Variants in ASIC2 observed in about 807,000 individuals in gnomAD.
ASIC2 encodes acid sensing ion channel subunit 2, also known as acid-sensing ion channel 2.
In ASIC2, 25 loss-of-function variants were observed where a neutral mutation model predicts 57.3. The ratio of observed to expected loss-of-function variants is 0.44; its 90% CI spans 0.32 to 0.61. The LOEUF is 0.61. ASIC2 is among the 20% of genes least tolerant of loss of function. ASIC2 has a pLI of 0.06. For missense variants in ASIC2, 641 were observed against 738.1 expected, an observed-to-expected ratio of 0.87 and a Z score of 1.52; for synonymous variants, 319 against 307.5, an observed-to-expected ratio of 1.04 and a Z score of -0.39.
intron 1 of ASIC2, among the ~76,000 whole-genome samples, chr17:33,700,860 T>A (rs1408069288): frequency 1.3e-5 from 2 of 152,126 alleles, no homozygotes. Context: ...CTTGGTCCCA[T>A]CCTGACTACT....
intron 1 of ASIC2, among the ~76,000 whole-genome samples, chr17:33,170,837 A>G (rs1905488502): frequency 6.6e-6 from 1 of 152,216 alleles, no homozygotes; most frequent in Non-Finnish European, 1.5e-5. Context: ...CTTTTGCTGG[A>G]GATCAGGAGC....
chr17:33,437,711 G>A (rs752608107), intron 1 of ASIC2, among the ~76,000 whole-genome samples: 15 of 152,060 alleles, frequency 9.9e-5, no homozygotes, highest in South Asian at 2.1e-4. Flanking sequence ...CACAAGAATC[G>A]CGTGAACCCA....
At chr17:33,731,167 T>A (rs1002413727) in intron 1 of ASIC2, among the ~76,000 whole-genome samples, 8 of 152,212 alleles carry the variant, frequency 5.3e-5, no homozygotes, top group Admixed American at 1.3e-4. Context: ...GGGACCATCT[T>A]TGATGCTTCA....
chr17:33,748,682 T>G (rs117312467), intron 1 of ASIC2, among the ~76,000 whole-genome samples: 127 of 152,212 alleles, frequency 8.3e-4, no homozygotes, highest in African/African-American at 3.0e-3. Flanking sequence ...CTGGGCCACA[T>G]GAGAATAGAA....
chr17:33,382,031 G>A (rs1481379002), intron 1 of ASIC2, among the ~76,000 whole-genome samples: 4 of 152,156 alleles, frequency 2.6e-5, no homozygotes, highest in Non-Finnish European at 5.9e-5. Context: ...AGGACCCCAT[G>A]TTAGTCCCAC....
chr17:33,271,630 C>T (rs562114139), intron 1 of ASIC2, among the ~76,000 whole-genome samples: 1 of 152,140 alleles, frequency 6.6e-6, no homozygotes, highest in African/African-American at 2.4e-5. Flanking sequence ...TCTCACTGGA[C>T]CTACCTTCAA....
chr17:33,956,274 T>A (rs1904732437), intron 1 of ASIC2, among the ~76,000 whole-genome samples: 1 of 152,124 alleles, frequency 6.6e-6, no homozygotes, highest in Non-Finnish European at 1.5e-5. Flanking sequence ...GGGTTCAAAG[T>A]CTGAAGTGGG....
At chr17:33,152,393 C>T (rs1482482092) in intron 1 of ASIC2, among the ~76,000 whole-genome samples, 1 of 152,184 alleles carries the variant, frequency 6.6e-6, no homozygotes, top group East Asian at 1.9e-4. Context: ...TGGAGGAGAT[C>T]CCTACAGATG....
intron 1 of ASIC2, among the ~76,000 whole-genome samples, chr17:33,835,531 C>T (rs755949460): frequency 4.6e-5 from 7 of 152,174 alleles, no homozygotes; most frequent in Non-Finnish European, 8.8e-5. Flanking sequence ...TTCCACAATA[C>T]CACTCTGACT....
intron 1 of ASIC2, among the ~76,000 whole-genome samples, chr17:33,804,520 G>A (rs983549419): frequency 9.8e-5 from 15 of 152,340 alleles, no homozygotes; most frequent in Middle Eastern, 3.4e-3. Context: ...AGAGGTTAAA[G>A]CAAAAGTCTC....
At chr17:33,106,531 A>G (rs1484067178) in intron 2 of ASIC2, among the ~76,000 whole-genome samples, 1 of 152,046 alleles carries the variant, frequency 6.6e-6, no homozygotes, top group East Asian at 1.9e-4. Context: ...CTCAGACGTA[A>G]CCCACCCTCA....
intron 1 of ASIC2, among the ~76,000 whole-genome samples, chr17:33,384,636 A>G (rs932856781): frequency 1.3e-5 from 2 of 152,168 alleles, no homozygotes; most frequent in African/African-American, 4.8e-5. Context: ...TCCATGCTGT[A>G]TCTGTTCTGC....
At chr17:33,703,715 A>G (rs1000826612) in intron 1 of ASIC2, among the ~76,000 whole-genome samples, 2 of 152,160 alleles carry the variant, frequency 1.3e-5, no homozygotes, top group African/African-American at 4.8e-5. Context: ...AGGTACATTC[A>G]GGGGAGAGAA....
chr17:34,027,059 A>G (rs4411544), intron 1 of ASIC2, among the ~76,000 whole-genome samples: 3,491 of 152,360 alleles, frequency 0.023, 85 homozygotes, highest in South Asian at 0.12. Flanking sequence ...AAACACTCCA[A>G]TGAAATATTA....
intron 3 of ASIC2, among the ~76,000 whole-genome samples, chr17:33,084,152 CA>C (rs1362981126): frequency 1.3e-5 from 2 of 152,018 alleles, no homozygotes; most frequent in East Asian, 3.9e-4. Context: ...CTTGAGTGAG[CA>C]GGGGCAGGGA....
intron 1 of ASIC2, among the ~76,000 whole-genome samples, chr17:33,407,724 G>A (rs914162632): frequency 6.6e-6 from 1 of 152,350 alleles, no homozygotes; most frequent in East Asian, 1.9e-4. Context: ...TTGGATAAAT[G>A]ATTTACTCTA....
intron 3 of ASIC2, among the ~76,000 whole-genome samples, chr17:33,056,716 G>T (rs2141934395): frequency 6.6e-6 from 1 of 152,276 alleles, no homozygotes; most frequent in South Asian, 2.1e-4. Context: ...AGCAGAATAG[G>T]CTATTAAATT....
At chr17:33,989,291 G>T (rs1342842193) in intron 1 of ASIC2, among the ~76,000 whole-genome samples, 1 of 152,066 alleles carries the variant, frequency 6.6e-6, no homozygotes. Flanking sequence ...CCAAAGACTG[G>T]CAGGTTTTAA....
intron 1 of ASIC2, among the ~76,000 whole-genome samples, chr17:33,775,638 CTG>C (rs1288247857): frequency 6.6e-6 from 1 of 151,986 alleles, no homozygotes; most frequent in Non-Finnish European, 1.5e-5. Flanking sequence ...TGTGTATGTG[CTG>C]TGTGAGCACA....
Sources: gnomAD v4.1 joint callset for allele counts (sites outside exome capture counted in the v4.1 genomes callset) on GRCh38, gnomAD v4.1.1 for gene constraint, MANE v1.5 for transcripts, NCBI Gene and HGNC (gene_info 2026-07-23, HGNC 2026-07-21) for gene names.